NCOA3: variants seen among roughly 807,000 people sequenced by gnomAD.
NCOA3 encodes CBP-interacting protein.
NCOA3 carries 51 observed loss-of-function variants against 158.8 expected under a neutral mutation model. That is an observed-to-expected ratio of 0.32 (90% CI 0.26 to 0.41). The LOEUF (loss-of-function observed/expected upper bound fraction) is 0.41, where lower values mean the gene tolerates loss of function less well. Ranked by LOEUF, NCOA3 falls within the 10% of genes least tolerant of loss-of-function variation. The pLI, the probability that NCOA3 is intolerant of heterozygous loss-of-function variation, is 1.00. For missense variants in NCOA3, 1,510 were observed against 1,746.6 expected, an observed-to-expected ratio of 0.86 and a Z score of 2.41; for synonymous variants, 537 against 592.4, an observed-to-expected ratio of 0.91 and a Z score of 1.36.
At position 47,627,021 on chromosome 20, in the gene NCOA3, T is replaced by C. The variant is rs1321480984; in HGVS notation, c.377T>C (p.Phe126Ser). The change falls in exon 6 of 23, where the codon TTT (phenylalanine) becomes TCT (serine). Residue 126 changes from phenylalanine to serine, a missense_variant. Phe to Ser is a radical substitution (Grantham distance 155, BLOSUM62 -2). Coordinates refer to ENST00000371998, the MANE Select transcript of NCOA3 (RefSeq NM_181659.3). ...TTTTAGGCATTGGATGGTTTCCTAT[T>C]TGTGGTGAATCGAGACGGAAACATT... ...LLLQALDGFL[F>S]VVNRDGNIVF... The C allele has an allele frequency of 6.2e-7, 1 of 1,612,734 alleles. No individual in the cohort carries two copies. The highest frequency in any genetic ancestry group is 8.5e-7 in the Non-Finnish European group (1 of 1,179,478).
At chr20:47,602,295 A>T (rs939674366) in intron 2 of NCOA3, among the ~76,000 whole-genome samples, 1 of 152,178 alleles carries the variant, frequency 6.6e-6, no homozygotes, top group African/African-American at 2.4e-5. Flanking sequence ...TTCTAAACCA[A>T]CTATTGTTAT....
At chr20:47,642,995 C>T (rs758032146) in intron 17 of NCOA3, among the ~76,000 whole-genome samples, 8 of 152,242 alleles carry the variant, frequency 5.3e-5, no homozygotes, top group African/African-American at 1.7e-4. Flanking sequence ...ACTGCAACCT[C>T]CACCTCCAGG....
intron 5 of NCOA3, among the ~76,000 whole-genome samples, chr20:47,626,800 G>C (rs1186935006): frequency 6.6e-6 from 1 of 152,046 alleles, no homozygotes; most frequent in Non-Finnish European, 1.5e-5. Context: ...CACATTCCTG[G>C]TGTCTTTCTC....
At chr20:47,549,551 ACT>A (rs1410780858) in intron 1 of NCOA3, among the ~76,000 whole-genome samples, 1 of 133,552 alleles carries the variant, frequency 7.5e-6, no homozygotes, top group Non-Finnish European at 1.5e-5. Context: ...CAGAGCGAAG[ACT>A]CTGTCTCAAA....
chr20:47,608,882 G>T (rs1310772039), intron 2 of NCOA3, among the ~76,000 whole-genome samples: 1 of 152,132 alleles, frequency 6.6e-6, no homozygotes, highest in Non-Finnish European at 1.5e-5. Flanking sequence ...TGCTACAGCT[G>T]CCTCTATTCT....
chr20:47,603,814 C>G (rs887792738), intron 2 of NCOA3, among the ~76,000 whole-genome samples: 5 of 152,124 alleles, frequency 3.3e-5, no homozygotes, highest in Non-Finnish European at 7.3e-5. Flanking sequence ...TTCTTCTGCT[C>G]TTCTGTTTGT....
At chr20:47,621,290 G>A (rs1435881261) in intron 2 of NCOA3, among the ~76,000 whole-genome samples, 1 of 149,974 alleles carries the variant, frequency 6.7e-6, no homozygotes, top group African/African-American at 2.5e-5. Context: ...CTACACATTT[G>A]AAGTTTGATC....
At chr20:47,565,459 A>C (rs1357104645) in intron 1 of NCOA3, among the ~76,000 whole-genome samples, 2 of 152,180 alleles carry the variant, frequency 1.3e-5, no homozygotes, top group African/African-American at 4.8e-5. Flanking sequence ...TCACATCTGT[A>C]ATCCCAGCAC....
intron 10 of NCOA3, 133 bp from the exon 11 acceptor site, chr20:47,635,188 CA>C (rs1602520407): frequency 3.5e-6 from 3 of 847,626 alleles, no homozygotes; most frequent in Non-Finnish European, 3.4e-6. Flanking sequence ...CTCAGCTTCC[CA>C]AAGTGCTGGG....
intron 1 of NCOA3, among the ~76,000 whole-genome samples, chr20:47,550,100 T>G (rs2084905232): frequency 6.6e-6 from 1 of 151,962 alleles, no homozygotes; most frequent in Non-Finnish European, 1.5e-5. Flanking sequence ...CCAAAAGAAG[T>G]AAGAAGTCTC....
chr20:47,642,548 T>C (rs1168515966), intron 17 of NCOA3, among the ~76,000 whole-genome samples, 164 bp downstream of exon 17: 1 of 152,212 alleles, frequency 6.6e-6, no homozygotes, highest in African/African-American at 2.4e-5. Flanking sequence ...AATATCCTTT[T>C]TTGGTCTCAA....
At chr20:47,623,829 A>G (rs1407960815) in intron 3 of NCOA3, 82 bp from the exon 4 acceptor site, 4 of 1,302,488 alleles carry the variant, frequency 3.1e-6, no homozygotes, top group Non-Finnish European at 1.1e-6. Flanking sequence ...ATAGTGTTGT[A>G]TAGGGGCTGA....
intron 10 of NCOA3, 81 bp downstream of exon 10, chr20:47,634,276 G>T: frequency 7.1e-7 from 1 of 1,401,350 alleles, no homozygotes; most frequent in Non-Finnish European, 9.7e-7. Context: ...AAAAAGGGAA[G>T]GGATAAAATG....
intron 1 of NCOA3, among the ~76,000 whole-genome samples, chr20:47,515,550 G>C (rs2084221235): frequency 6.8e-6 from 1 of 146,976 alleles, no homozygotes; most frequent in Admixed American, 6.9e-5. Context: ...ACAGTGGCAT[G>C]ATCTCGGCTC....
chr20:47,529,279 C>T (rs1269028631), intron 1 of NCOA3, among the ~76,000 whole-genome samples: 2 of 151,440 alleles, frequency 1.3e-5, no homozygotes, highest in Non-Finnish European at 2.9e-5. Flanking sequence ...CCACCATGCC[C>T]AGCTAATTTT....
Position 47,515,170 on chromosome 20 carries a change from AT to A in NCOA3, c.-99+13162del, listed in dbSNP as rs1008222436. Among the ~76,000 whole-genome samples, 13 of 150,604 alleles carry A rather than the reference AT, an allele frequency of 8.6e-5. No homozygotes were observed. In the South Asian group the frequency reaches 1.5e-3, roughly 17 times the overall value. ...AGCTATATATATATATTTAAAAAAA[AT>A]TTTTTTTTTTGAGATGGAGTCTCGC... On this transcript the variant is annotated intron_variant, in intron 1 of 22. Transcript: ENST00000371998.
At position 47,544,061 on chromosome 20, in the gene NCOA3, A is replaced by G. The variant is rs1049683125; in HGVS notation, c.-98-39122A>G. Among the ~76,000 whole-genome samples the G allele has an allele frequency of 5.3e-5, 8 of 152,124 alleles. No individual in the cohort carries two copies. The East Asian group carries it at 1.5e-3, about 29-fold the overall frequency. Reference sequence around the variant, plus strand: ...TGTGTACTCCACCCCGATTCCCCCAATTTAATAACTTGCATAGCCATGTTA... The same window carrying G: ...TGTGTACTCCACCCCGATTCCCCCAGTTTAATAACTTGCATAGCCATGTTA... On this transcript the variant is annotated intron_variant, in intron 1 of 22. Transcript: ENST00000371998.
In NCOA3 at chr20:47,635,357, T is replaced by C. The variant is rs766628146; in HGVS notation, c.1148T>C (p.Val383Ala). The C allele has an allele frequency of 1.2e-5, 20 of 1,607,024 alleles. No homozygotes were observed. In the Admixed American group the frequency reaches 2.2e-4, roughly 17 times the overall value. ...GGATATAGACCAAACCCAAATCCTG[T>C]TGGACAAGGGATTAGACCACCTATG... Reference protein sequence around the residue: ...QNGYRPNPNPVGQGIRPPMAG... With the variant: ...QNGYRPNPNPAGQGIRPPMAG... Residue 383 changes from valine to alanine, a missense_variant, in exon 11 of 23, where the codon GTT (valine) becomes GCT (alanine). Physicochemically the swap from Val to Ala is moderately conservative, Grantham distance 64. This residue lies in a region of NCOA3 where 1,017 missense variants were observed against 1,098.3 expected (regional missense o/e 0.93). Coordinates refer to ENST00000371998, the MANE Select transcript of NCOA3 (RefSeq NM_181659.3).
chr20:47,502,933 C>G (rs368001986), intron 1 of NCOA3, among the ~76,000 whole-genome samples: 15 of 152,058 alleles, frequency 9.9e-5, no homozygotes, highest in African/African-American at 3.6e-4. Context: ...TGGAATGACA[C>G]GGAAGCTATG....
Sources: allele counts gnomAD v4.1 joint callset (sites outside exome capture counted in the v4.1 genomes callset), GRCh38; gene constraint gnomAD v4.1.1; regional missense constraint gnomAD v4.1.1; transcripts MANE v1.5; gene names NCBI Gene and HGNC (gene_info 2026-07-23, HGNC 2026-07-21).